DAB1: variants seen among roughly 807,000 people sequenced by gnomAD.
DAB1 encodes DAB adaptor protein 1, also known as disabled homolog 1.
In DAB1, 15 loss-of-function variants were observed where a neutral mutation model predicts 64.6. The observed-to-expected ratio is 0.23, with a 90% CI of 0.16 to 0.36. The LOEUF (loss-of-function observed/expected upper bound fraction) is 0.36, where lower values mean the gene tolerates loss of function less well. DAB1 is among the 10% of genes least tolerant of loss of function. The pLI is 1.00. For missense variants in DAB1, 596 were observed against 706.7 expected, an observed-to-expected ratio of 0.84 and a Z score of 1.78; for synonymous variants, 235 against 251.9, an observed-to-expected ratio of 0.93 and a Z score of 0.64.
At chr1:57,305,968 C>CAAAAA (rs1048177276) in intron 1 of DAB1, among the ~76,000 whole-genome samples, 14 of 62,202 alleles carry the variant, frequency 2.3e-4, no homozygotes, top group South Asian at 4.9e-4. Context: ...GACTCCGTCT[C>CAAAAA]AAAAAAAAAA....
chr1:58,505,740 C>T lies in DAB1; in HGVS notation n.257+320G>A, dbSNP rs943083693. Among the ~76,000 whole-genome samples, 4 of 152,198 alleles carry T rather than the reference C, an allele frequency of 2.6e-5. No homozygotes were observed. The East Asian group carries it at 5.8e-4, about 22-fold the overall frequency. On this transcript the variant is annotated intron_variant and non_coding_transcript_variant, in intron 3 of 20. Transcript: ENST00000485760. ...AATCACCAAGGAAAGATTAAATTAT[C>T]ATCAACATGTTTAAAAAACTTAATA...
At chr1:57,879,314 C>G (rs1010439121) in intron 1 of DAB1, among the ~76,000 whole-genome samples, 6 of 152,130 alleles carry the variant, frequency 3.9e-5, no homozygotes, top group Non-Finnish European at 8.8e-5. Flanking sequence ...TATGATCTTC[C>G]TCTCTCTTTC....
At chr1:58,008,619 T>C (rs1646622284) in intron 5 of DAB1, among the ~76,000 whole-genome samples, 1 of 152,106 alleles carries the variant, frequency 6.6e-6, no homozygotes, top group Non-Finnish European at 1.5e-5. Flanking sequence ...AAAACAAGGT[T>C]AGGAATATAG....
chr1:58,411,835 ATCTC>A (rs751324533), intron 3 of DAB1, among the ~76,000 whole-genome samples: 1 of 152,100 alleles, frequency 6.6e-6, no homozygotes, highest in African/African-American at 2.4e-5. Flanking sequence ...TTGCAAATTT[ATCTC>A]TCTATTTTGT....
At chr1:58,521,339 G>A (rs1208530586) in intron 2 of DAB1, among the ~76,000 whole-genome samples, 1 of 139,270 alleles carries the variant, frequency 7.2e-6, no homozygotes, top group African/African-American at 2.5e-5. Flanking sequence ...AAAAAAAAAA[G>A]AGTTTAAAAT....
rs144108184 is a variant in DAB1, at chr1:57,175,987, G to A, written c.68-30558C>T. ...AGACCTGGGTTCAAATGCAGACTTT[G>A]TTATATTATAGGTGTGTAATTTTAA... On this transcript the variant is annotated intron_variant, in intron 2 of 14. Coordinates refer to ENST00000371236, the MANE Select transcript of DAB1 (RefSeq NM_001365792.1). Among the ~76,000 whole-genome samples the A allele has an allele frequency of 1.4e-4, 21 of 152,182 alleles. 1 individual carries two copies. In the East Asian group the frequency reaches 2.7e-3, roughly 20 times the overall value.
At chr1:57,676,369 C>T (rs1028386111) in intron 6 of DAB1, among the ~76,000 whole-genome samples, 5 of 152,200 alleles carry the variant, frequency 3.3e-5, no homozygotes, top group Non-Finnish European at 5.9e-5. Flanking sequence ...TAGAGAAATA[C>T]TGGATTTCAT....
At chr1:58,085,118 G>A (rs908220233) in intron 5 of DAB1, among the ~76,000 whole-genome samples, 5 of 152,140 alleles carry the variant, frequency 3.3e-5, no homozygotes, top group African/African-American at 1.2e-4. Flanking sequence ...TTTTTTATAG[G>A]TGATGTTGGC....
At chr1:58,513,319 G>A (rs1166301859) in intron 2 of DAB1, among the ~76,000 whole-genome samples, 1 of 152,148 alleles carries the variant, frequency 6.6e-6, no homozygotes, top group Non-Finnish European at 1.5e-5. Context: ...CAGCCATGGA[G>A]AACTGTGAGT....
intron 3 of DAB1, among the ~76,000 whole-genome samples, chr1:58,433,297 T>C (rs547980302): frequency 6.6e-6 from 1 of 151,992 alleles, no homozygotes; most frequent in South Asian, 2.1e-4. Flanking sequence ...GGAAGGTGGA[T>C]AGGTTGTGAT....
intron 7 of DAB1, among the ~76,000 whole-genome samples, chr1:57,554,022 A>G (rs1284849915): frequency 6.6e-6 from 1 of 152,218 alleles, no homozygotes; most frequent in Non-Finnish European, 1.5e-5. Context: ...TGAGGATGAG[A>G]GAGACCTAAG....
chr1:57,049,450 C>CACAAAAAAAA (rs1648935164), intron 9 of DAB1, among the ~76,000 whole-genome samples: 1 of 24,586 alleles, frequency 4.1e-5, no homozygotes, highest in Non-Finnish European at 7.2e-5. Flanking sequence ...GACTCCGTCT[C>CACAAAAAAAA]AAAAAAAAAA....
chr1:57,202,561 G>A (rs557354005), intron 2 of DAB1, among the ~76,000 whole-genome samples: 14 of 152,290 alleles, frequency 9.2e-5, no homozygotes, highest in Non-Finnish European at 1.9e-4. Context: ...ATTAGAAATT[G>A]TTAAGGTGGG....
intron 3 of DAB1, among the ~76,000 whole-genome samples, chr1:58,494,657 C>T (rs1645763607): frequency 6.6e-6 from 1 of 152,072 alleles, no homozygotes; most frequent in Non-Finnish European, 1.5e-5. Flanking sequence ...AGCCAAAAGA[C>T]ACATGAAAAA....
intron 4 of DAB1, among the ~76,000 whole-genome samples, chr1:58,201,704 C>T (rs11207173): frequency 0.46 from 69,888 of 152,102 alleles, 18,338 homozygotes; most frequent in Middle Eastern, 0.62. Flanking sequence ...TCCATGAGGA[C>T]TTTGAACTGA....
chr1:57,166,510 G>GCCCA lies in DAB1; in HGVS notation c.68-21085_68-21082dup, dbSNP rs569310925. Reference sequence around the variant, plus strand: ...CAAGTTCAGAACAATAGAAGTCATGGCCCAGGTCAGCCCAGGAATAACTAG... The same window carrying GCCCA: ...CAAGTTCAGAACAATAGAAGTCATGGCCCACCCAGGTCAGCCCAGGAATAACTAG... On this transcript the variant is annotated intron_variant, in intron 2 of 14. Coordinates refer to ENST00000371236, the MANE Select transcript of DAB1 (RefSeq NM_001365792.1). Among the ~76,000 whole-genome samples, 598 of 152,268 alleles carry GCCCA rather than the reference G, an allele frequency of 3.9e-3. 4 individuals carry two copies. The highest frequency in any genetic ancestry group is 7.9e-3 in the Admixed American group (121 of 15,292).
rs1386193550 is a variant in DAB1, at chr1:58,190,562, G to GA, written n.310-39975dup. Among the ~76,000 whole-genome samples the GA allele has an allele frequency of 1.1e-4, 17 of 152,216 alleles. No individual in the cohort carries two copies. The South Asian group carries it at 3.5e-3, about 32-fold the overall frequency. ...TTTTTTAAACAAACCACTCCAACTA[G>GA]AAAGAGCCTGATTACCATCCATTGT... On this transcript the variant is annotated intron_variant and non_coding_transcript_variant, in intron 4 of 20. Coordinates refer to the DAB1 transcript ENST00000485760.
chr1:57,332,195 C>T (rs1676728581), intron 1 of DAB1, among the ~76,000 whole-genome samples: 2 of 151,634 alleles, frequency 1.3e-5, no homozygotes, highest in African/African-American at 4.8e-5. Flanking sequence ...AACTCCTGAC[C>T]TCAAGTAATC....
chr1:57,524,155 C>T (rs1449429326), intron 7 of DAB1, among the ~76,000 whole-genome samples: 5 of 151,590 alleles, frequency 3.3e-5, no homozygotes, highest in South Asian at 4.2e-4. Context: ...ATGGAGCTTT[C>T]GGTGGGGGAA....
Sources: allele counts gnomAD v4.1 joint callset (sites outside exome capture counted in the v4.1 genomes callset), GRCh38; gene constraint gnomAD v4.1.1; transcripts MANE v1.5; gene names NCBI Gene and HGNC (gene_info 2026-07-23, HGNC 2026-07-21).